Variants in ZMAT4 observed in about 807,000 individuals in gnomAD.
ZMAT4 encodes zinc finger matrin-type 4.
Under a neutral mutation model 28.7 loss-of-function variants are expected in ZMAT4, and 17 were observed. The ratio of observed to expected loss-of-function variants is 0.59; its 90% CI spans 0.41 to 0.89. The LOEUF is 0.89. ZMAT4 is among the 40% of genes least tolerant of loss of function. The pLI, the probability that ZMAT4 is intolerant of heterozygous loss-of-function variation, is 0.00. For missense variants in ZMAT4, 240 were observed against 283.8 expected (o/e 0.85, Z 1.11); for synonymous variants, 117 against 109.2 (o/e 1.07, Z -0.44).
chr8:40,758,312 C>T (rs1469657819), intron 3 of ZMAT4, among the ~76,000 whole-genome samples: 2 of 152,148 alleles, frequency 1.3e-5, no homozygotes, highest in African/African-American at 4.8e-5. Flanking sequence ...GCCAGTCCCT[C>T]CACAGTCACC....
intron 1 of ZMAT4, among the ~76,000 whole-genome samples, chr8:40,879,823 T>C (rs1235256921): frequency 6.6e-6 from 1 of 152,238 alleles, no homozygotes; most frequent in African/African-American, 2.4e-5. Context: ...AGTTTGAAGA[T>C]ATTTCACTTT....
At chr8:40,645,955 TCCTTATTGTGAGTTATTCACA>T (rs1280881343) in intron 5 of ZMAT4, among the ~76,000 whole-genome samples, 20 of 152,144 alleles carry the variant, frequency 1.3e-4, no homozygotes, top group African/African-American at 4.3e-4. Flanking sequence ...AATCATAATC[TCCTTATTGTGAGTTATTCACA>T]CCATAATAGA....
intron 5 of ZMAT4, among the ~76,000 whole-genome samples, chr8:40,621,822 G>A (rs114534230): frequency 0.013 from 2,036 of 152,210 alleles, 49 homozygotes; most frequent in African/African-American, 0.047. Context: ...TATTCTAGTG[G>A]TTCTTTGATA....
chr8:40,783,247 T>A (rs890365916), intron 2 of ZMAT4, among the ~76,000 whole-genome samples: 2 of 152,236 alleles, frequency 1.3e-5, no homozygotes, highest in African/African-American at 4.8e-5. Context: ...CTCTCACACA[T>A]GCTACAACAT....
At chr8:40,890,512 T>C (rs927369957) in intron 1 of ZMAT4, among the ~76,000 whole-genome samples, 6 of 152,146 alleles carry the variant, frequency 3.9e-5, no homozygotes, top group African/African-American at 1.4e-4. Context: ...GCCACTGTCT[T>C]CCTGCGGGCC....
chr8:40,628,225 T>C (rs1806445335), intron 5 of ZMAT4, among the ~76,000 whole-genome samples: 1 of 152,196 alleles, frequency 6.6e-6, no homozygotes, highest in South Asian at 2.1e-4. Flanking sequence ...TTATTGAAGA[T>C]AGAGAGACAT....
At chr8:40,820,729 CTGTG>C (rs1171696301) in intron 2 of ZMAT4, among the ~76,000 whole-genome samples, 1 of 758 alleles carries the variant, frequency 1.3e-3, no homozygotes, top group Non-Finnish European at 2.5e-3. Context: ...GTGTGTATGT[CTGTG>C]TATGTTTATG....
intron 3 of ZMAT4, among the ~76,000 whole-genome samples, chr8:40,749,663 A>G (rs780597537): frequency 6.6e-6 from 1 of 152,218 alleles, no homozygotes; most frequent in Non-Finnish European, 1.5e-5. Context: ...AAAATGTTCT[A>G]CAGGAACCTG....
intron 5 of ZMAT4, among the ~76,000 whole-genome samples, chr8:40,594,695 C>T (rs1037701121): frequency 6.6e-6 from 1 of 152,174 alleles, no homozygotes; most frequent in Non-Finnish European, 1.5e-5. Flanking sequence ...AGACCTAACT[C>T]GTGAGTGGGA....
chr8:40,816,010 T>A (rs1355020509), intron 2 of ZMAT4, among the ~76,000 whole-genome samples: 1 of 152,030 alleles, frequency 6.6e-6, no homozygotes. Flanking sequence ...GCATCCCCAG[T>A]GCAGGTCCTA....
intron 5 of ZMAT4, among the ~76,000 whole-genome samples, chr8:40,608,287 A>G (rs1805672168): frequency 6.6e-6 from 1 of 152,142 alleles, no homozygotes; most frequent in African/African-American, 2.4e-5. Flanking sequence ...TCTCAAGCCC[A>G]TGGGAGTTAT....
intron 6 of ZMAT4, among the ~76,000 whole-genome samples, chr8:40,579,909 A>ACCCC: frequency 6.6e-6 from 1 of 152,222 alleles, no homozygotes. Context: ...CCCCATGCTT[A>ACCCC]AAGCTCCGGG....
intron 5 of ZMAT4, among the ~76,000 whole-genome samples, chr8:40,606,340 G>C (rs1459232986): frequency 6.6e-6 from 1 of 152,102 alleles, no homozygotes; most frequent in Admixed American, 6.5e-5. Flanking sequence ...AAGATTTAAA[G>C]CTCCTTTTAG....
At chr8:40,574,546 C>T (rs955705986) in intron 6 of ZMAT4, among the ~76,000 whole-genome samples, 2 of 151,998 alleles carry the variant, frequency 1.3e-5, no homozygotes, top group Non-Finnish European at 2.9e-5. Context: ...GGCATTTGTT[C>T]CTCCCACAAA....
At chr8:40,806,974 C>A (rs1221117190) in intron 2 of ZMAT4, among the ~76,000 whole-genome samples, 2 of 151,838 alleles carry the variant, frequency 1.3e-5, no homozygotes, top group Non-Finnish European at 2.9e-5. Context: ...CCTTTAGGAT[C>A]TTATGCTATT....
chr8:40,828,981 T>G (rs1816178667), intron 1 of ZMAT4, among the ~76,000 whole-genome samples: 1 of 152,008 alleles, frequency 6.6e-6, no homozygotes, highest in Non-Finnish European at 1.5e-5. Context: ...AATTTCCAGT[T>G]TTTTAGCCTT....
chr8:40,873,506 C>T (rs1817934824), intron 1 of ZMAT4, among the ~76,000 whole-genome samples: 1 of 152,060 alleles, frequency 6.6e-6, no homozygotes, highest in Non-Finnish European at 1.5e-5. Flanking sequence ...AGTGAAAGAC[C>T]CCAAAATGGT....
chr8:40,818,873 A>G (rs536809069), intron 2 of ZMAT4, among the ~76,000 whole-genome samples: 80 of 152,334 alleles, frequency 5.3e-4, no homozygotes, highest in African/African-American at 1.9e-3. Context: ...AGGTAACAAG[A>G]AGAAGGTATG....
At chr8:40,728,261 A>G (rs1249722802) in intron 3 of ZMAT4, among the ~76,000 whole-genome samples, 1 of 152,226 alleles carries the variant, frequency 6.6e-6, no homozygotes, top group Non-Finnish European at 1.5e-5. Context: ...TATTATTCTT[A>G]GCATCAAGGA....
Sources: allele counts gnomAD v4.1 joint callset (sites outside exome capture counted in the v4.1 genomes callset), GRCh38; gene constraint gnomAD v4.1.1; transcripts MANE v1.5; gene names NCBI Gene and HGNC (gene_info 2026-07-23, HGNC 2026-07-21).